ABCB1: variants seen among roughly 807,000 people sequenced by gnomAD.
ABCB1 encodes the protein ATP binding cassette subfamily B member 1.
ABCB1 carries 69 observed loss-of-function variants against 142.0 expected under a neutral mutation model. The ratio of observed to expected loss-of-function variants is 0.49; its 90% CI spans 0.40 to 0.59. The LOEUF is 0.59. Among genes scored for constraint, ABCB1 ranks in the 20% least tolerant of loss-of-function variants. ABCB1 has a pLI of 0.00. For missense variants in ABCB1, 1,326 were observed against 1,554.7 expected (o/e 0.85, Z 2.47); for synonymous variants, 532 against 539.2 (o/e 0.99, Z 0.18).
At chr7:87,535,080 T>C (rs986346033) in intron 20 of ABCB1, among the ~76,000 whole-genome samples, 10 of 152,140 alleles carry the variant, frequency 6.6e-5, no homozygotes, top group Non-Finnish European at 1.5e-4. Flanking sequence ...TTATATCTTA[T>C]AGCCTTTTGT....
At chr7:87,535,502 C>A (rs1373403880) in intron 20 of ABCB1, among the ~76,000 whole-genome samples, 2 of 146,052 alleles carry the variant, frequency 1.4e-5, no homozygotes, top group African/African-American at 2.7e-5. Context: ...ACATTCTATA[C>A]AACTTGATCT....
upstream of ABCB1, among the ~76,000 whole-genome samples, chr7:87,602,637 G>T (rs1819505218): frequency 6.6e-6 from 1 of 151,986 alleles, no homozygotes; most frequent in Non-Finnish European, 1.5e-5. Context: ...GTGCTATACT[G>T]TTATGTTGAT....
At chr7:87,651,621 C>T (rs1420111288) in intron 1 of ABCB1, among the ~76,000 whole-genome samples, 1 of 152,094 alleles carries the variant, frequency 6.6e-6, no homozygotes, top group East Asian at 1.9e-4. Flanking sequence ...GATATTTTCA[C>T]TTAAGTTTTT....
intron 26 of ABCB1, 93 bp from the exon 27 acceptor site, chr7:87,506,136 T>G: frequency 7.5e-7 from 1 of 1,327,602 alleles, no homozygotes; most frequent in East Asian, 2.4e-5. Flanking sequence ...TTCTATATAC[T>G]CCAAAAATTT....
At chr7:87,626,197 TA>T (rs1223898971) in intron 1 of ABCB1, among the ~76,000 whole-genome samples, 16 of 104,084 alleles carry the variant, frequency 1.5e-4, no homozygotes, top group Admixed American at 6.9e-4. Context: ...GTGTCATATA[TA>T]TGTCATATAT....
intron 1 of ABCB1, among the ~76,000 whole-genome samples, chr7:87,673,781 A>C (rs1241956555): frequency 6.6e-6 from 1 of 152,016 alleles, no homozygotes; most frequent in Non-Finnish European, 1.5e-5. Context: ...GTAATAAGAC[A>C]CTCTGGCTGT....
At chr7:87,530,830 C>CAAGAAAGAAAGA (rs1241023862) in intron 21 of ABCB1, among the ~76,000 whole-genome samples, 121 of 43,382 alleles carry the variant, frequency 2.8e-3, no homozygotes, top group African/African-American at 5.4e-3. Context: ...AGCAAGAAAG[C>CAAGAAAGAAAGA]AAGAAAGCAA....
At chr7:87,603,587 C>T (rs538767066), upstream of ABCB1, among the ~76,000 whole-genome samples, 1 of 152,356 alleles carries the variant, frequency 6.6e-6, no homozygotes, top group East Asian at 1.9e-4. Flanking sequence ...TCATCTTCCT[C>T]ACCCTCAACA....
At chr7:87,675,158 G>C (rs1027800142) in intron 1 of ABCB1, among the ~76,000 whole-genome samples, 1 of 152,180 alleles carries the variant, frequency 6.6e-6, no homozygotes, top group Non-Finnish European at 1.5e-5. Flanking sequence ...ACAAGTCCCT[G>C]TGCTTAGCCT....
intron 2 of ABCB1, among the ~76,000 whole-genome samples, chr7:87,598,576 A>G (rs1819307146): frequency 6.6e-6 from 1 of 152,180 alleles, no homozygotes; most frequent in Non-Finnish European, 1.5e-5. Context: ...TCCTTGCCTG[A>G]ATCTATTATA....
At chr7:87,514,463 T>C (rs917638638) in intron 25 of ABCB1, among the ~76,000 whole-genome samples, 1 of 152,148 alleles carries the variant, frequency 6.6e-6, no homozygotes, top group Non-Finnish European at 1.5e-5. Flanking sequence ...AGGGCATACT[T>C]CCATGTTCTT....
In ABCB1 at chr7:87,566,254, A is replaced by T; in HGVS notation, c.531-13T>A. The stretch of plus-strand genomic sequence containing the variant: ...CTTGGAGACATCACTGAAAGAACAG[A>T]TAGTGTTAGAAATAATTGTCAGAAT... On this transcript the variant is annotated splice_polypyrimidine_tract_variant and intron_variant, in intron 6 of 27. Coordinates refer to ENST00000622132, the MANE Select transcript of ABCB1 (RefSeq NM_001348946.2). The T allele has an allele frequency of 1.2e-6, 2 of 1,612,648 alleles. No homozygotes were observed. The highest frequency in any genetic ancestry group is 1.7e-6 in the Non-Finnish European group (2 of 1,178,688).
At position 87,629,284 on chromosome 7, in the gene ABCB1, C is replaced by T. The variant is rs186439094; in HGVS notation, c.-330-28206G>A. On this transcript the variant is annotated intron_variant, in intron 1 of 28. Transcript: ENST00000265724. Reference sequence around the variant, plus strand: ...GCTCTTTCATTTAATGCCCATTCAGCTGTCAGCGAGCTTTGGATAAAGTGG... The same window carrying T: ...GCTCTTTCATTTAATGCCCATTCAGTTGTCAGCGAGCTTTGGATAAAGTGG... 1.7e-3 allele frequency: 383 copies of T among 229,246 alleles called. 1 individual carries two copies. The highest frequency in any genetic ancestry group is 7.4e-3 in the African/African-American group (331 of 44,600). The allele number at this position is 229,246 out of a possible 1,614,324, so 14.2% of individuals were successfully genotyped here.
intron 5 of ABCB1, among the ~76,000 whole-genome samples, chr7:87,569,265 G>A (rs1263975032): frequency 6.8e-6 from 1 of 147,254 alleles, no homozygotes; most frequent in African/African-American, 2.5e-5. Flanking sequence ...GCCAGGAATC[G>A]AAGGTCGCAG....
intron 19 of ABCB1, 105 bp downstream of exon 19, chr7:87,539,163 T>G (rs1816417177): frequency 8.2e-7 from 1 of 1,219,156 alleles, no homozygotes. Flanking sequence ...ACAACCAATA[T>G]AGGAGCTAGG....
intron 4 of ABCB1, among the ~76,000 whole-genome samples, chr7:87,583,254 T>C (rs1482736862): frequency 6.6e-6 from 1 of 152,206 alleles, no homozygotes; most frequent in African/African-American, 2.4e-5. Context: ...TCCTGAGAAG[T>C]AGGTTCTATT....
rs1018916673 is a variant in ABCB1, at chr7:87,548,101, G to A, written c.1725+1247C>T. 2.3e-3 allele frequency among the ~76,000 whole-genome samples: 317 copies of A among 140,006 alleles called. 2 individuals carry two copies. The highest frequency in any genetic ancestry group is 7.8e-3 in the African/African-American group (298 of 38,022). The allele number at this position is 140,006 out of a possible 152,430, so 91.8% of individuals were successfully genotyped here. On this transcript the variant is annotated intron_variant, in intron 14 of 27. Transcript: ENST00000622132. ...GAGAAGAGAAAAAAGAAAAGAAAAG[G>A]GAGGGGAGGGGATGGGAGGGGAGGG...
At chr7:87,548,675 G>T (rs191684377) in intron 14 of ABCB1, among the ~76,000 whole-genome samples, 1 of 152,220 alleles carries the variant, frequency 6.6e-6, no homozygotes, top group South Asian at 2.1e-4. Context: ...CACATTCTCG[G>T]TCCTCACAGA....
At position 87,598,020 on chromosome 7, in the gene ABCB1, T is replaced by C. The variant is rs529659863; in HGVS notation, c.68+2097A>G. 9.2e-5 allele frequency among the ~76,000 whole-genome samples: 14 copies of C among 152,274 alleles called. No homozygotes were observed. The South Asian group carries it at 2.7e-3, about 29-fold the overall frequency. ...GAACAAGAACAGCTGTCTTACAGAA[T>C]GTCCCACATCTTGGGTATACCTGTA... On this transcript the variant is annotated intron_variant, in intron 2 of 27. Transcript: ENST00000622132.
Sources: allele counts gnomAD v4.1 joint callset (sites outside exome capture counted in the v4.1 genomes callset), GRCh38; gene constraint gnomAD v4.1.1; transcripts MANE v1.5; gene names NCBI Gene and HGNC (gene_info 2026-07-23, HGNC 2026-07-21).